ABCB5: variants seen among roughly 807,000 people sequenced by gnomAD.
The protein encoded by ABCB5 is ATP binding cassette subfamily B member 5.
A neutral mutation model predicts 144.2 loss-of-function variants in ABCB5; 155 were observed. That is an observed-to-expected ratio of 1.08 (90% CI 0.94 to 1.23). The LOEUF (loss-of-function observed/expected upper bound fraction) is 1.23, where lower values mean the gene tolerates loss of function less well. ABCB5 is among the 50% of genes most tolerant of loss of function. The pLI is 0.00. For synonymous variants in ABCB5, 610 were observed against 528.6 expected (o/e 1.15, Z -2.11); for missense variants, 1,830 against 1,520.8 (o/e 1.20, Z -3.38).
At chr7:20,725,406 C>T (rs1304598795) in intron 21 of ABCB5, among the ~76,000 whole-genome samples, 2 of 152,172 alleles carry the variant, frequency 1.3e-5, no homozygotes, top group African/African-American at 4.8e-5. Context: ...TGGTGAAACC[C>T]TGTCTCTACT....
At chr7:20,639,985 A>G in intron 5 of ABCB5, among the ~76,000 whole-genome samples, 1 of 152,156 alleles carries the variant, frequency 6.6e-6, no homozygotes, top group East Asian at 1.9e-4. Flanking sequence ...ATCCATCAAC[A>G]TGGATTGTCT....
At chr7:20,663,565 G>A (rs117310718) in intron 14 of ABCB5, among the ~76,000 whole-genome samples, 3 of 152,228 alleles carry the variant, frequency 2.0e-5, no homozygotes, top group South Asian at 2.1e-4. Flanking sequence ...GTAGAAGAGC[G>A]GTTACTAGGG....
At chr7:20,671,438 A>T (rs940889434) in intron 14 of ABCB5, among the ~76,000 whole-genome samples, 1 of 152,172 alleles carries the variant, frequency 6.6e-6, no homozygotes, top group Non-Finnish European at 1.5e-5. Flanking sequence ...TACTTTTCAC[A>T]TGACTTTTGT....
rs1470275217 is a variant in ABCB5, at chr7:20,755,587, T to C, written c.3737T>C (p.Ile1246Thr). ...THQELLRNRD[I>T]YFKLVNAQSV... ...CAAGAGCTCCTGAGAAATCGAGACA[T>C]ATATTTTAAGTTAGTGAATGCACAG... The change falls in exon 28 of 28, where the codon ATA becomes ACA. Residue 1246 changes from isoleucine to threonine, a missense_variant. Ile to Thr is a moderately conservative substitution (Grantham distance 89). Coordinates refer to ENST00000404938, the MANE Select transcript of ABCB5 (RefSeq NM_001163941.2). 3 of 1,614,200 alleles carry C rather than the reference T, an allele frequency of 1.9e-6. No homozygotes were observed. Among genetic ancestry groups the C allele is most frequent in the African/African-American group, 1.3e-5 (1 of 75,056 alleles).
intron 20 of ABCB5, among the ~76,000 whole-genome samples, chr7:20,720,607 T>C (rs532767385): frequency 6.6e-6 from 1 of 152,002 alleles, no homozygotes; most frequent in Non-Finnish European, 1.5e-5. Context: ...CTACCAGATA[T>C]CTGGCTCGCG....
At chr7:20,669,537 G>C (rs1216266589) in intron 14 of ABCB5, among the ~76,000 whole-genome samples, 14 of 89,568 alleles carry the variant, frequency 1.6e-4, no homozygotes, top group Non-Finnish European at 2.9e-4. Flanking sequence ...CAGCATGCTC[G>C]TTAAGAGTCA....
At chr7:20,701,985 C>T (rs1208432248) in intron 19 of ABCB5, among the ~76,000 whole-genome samples, 1 of 152,270 alleles carries the variant, frequency 6.6e-6, no homozygotes, top group South Asian at 2.1e-4. Context: ...TGATTTTTGT[C>T]CTAAGATAAG....
chr7:20,643,560 G>A lies in ABCB5; in HGVS notation c.606G>A (p.Lys202=), dbSNP rs757604214. The change falls in exon 7 of 28, where the codon AAG becomes AAA. Residue 202 remains lysine, a synonymous_variant. Coordinates refer to ENST00000404938, the MANE Select transcript of ABCB5 (RefSeq NM_001163941.2). ...TTGGCCTGGCAGTTGGTTTGGTGAA[G>A]GGCTGGAAACTCACCCTAGTGACTC... The part of the protein sequence containing the change: ...FSIGLAVGLV[K]GWKLTLVTLS... 1.2e-6 allele frequency: 2 copies of A among 1,613,854 alleles called. No homozygotes were observed. Among genetic ancestry groups the A allele is most frequent in the African/African-American group, 1.3e-5 (1 of 74,922 alleles).
intron 24 of ABCB5, among the ~76,000 whole-genome samples, chr7:20,741,098 T>C (rs1782547780): frequency 6.8e-6 from 1 of 146,680 alleles, no homozygotes. Context: ...GCGAGACTCC[T>C]TCTCAAAAAA....
intron 5 of ABCB5, among the ~76,000 whole-genome samples, chr7:20,638,598 G>T (rs1199209066): frequency 6.6e-6 from 1 of 152,144 alleles, no homozygotes; most frequent in Non-Finnish European, 1.5e-5. Flanking sequence ...TATATGCATG[G>T]AAATATATAA....
chr7:20,650,221 T>C lies in ABCB5; in HGVS notation c.1332+74T>C, dbSNP rs558313607. On this transcript the variant is annotated intron_variant, in intron 12 of 27. Coordinates refer to ENST00000404938, the MANE Select transcript of ABCB5 (RefSeq NM_001163941.2). ...AAACACCGCAGGGCTGGCAGCTCTG[T>C]AACTTTTCATTTTCAACAGTAGAGC... The C allele has an allele frequency of 4.0e-5, 62 of 1,542,110 alleles. No homozygotes were observed. In the African/African-American group the frequency reaches 8.3e-4, roughly 21 times the overall value.
intron 20 of ABCB5, among the ~76,000 whole-genome samples, chr7:20,713,882 A>G (rs1009173509): frequency 2.3e-5 from 3 of 130,560 alleles, no homozygotes; most frequent in African/African-American, 8.6e-5. Flanking sequence ...CATTCTGTGA[A>G]TCTCTCTCTT....
intron 23 of ABCB5, among the ~76,000 whole-genome samples, chr7:20,738,585 T>A (rs1782461347): frequency 6.6e-6 from 1 of 152,174 alleles, no homozygotes; most frequent in South Asian, 2.1e-4. Context: ...AAACAAAAAA[T>A]CATATCTACT....
chr7:20,655,699 C>T (rs892784284), intron 13 of ABCB5, among the ~76,000 whole-genome samples: 1 of 152,092 alleles, frequency 6.6e-6, no homozygotes, highest in African/African-American at 2.4e-5. Flanking sequence ...GATTTAGAAA[C>T]TCCATATTTT....
chr7:20,718,533 T>C (rs1781761612), intron 20 of ABCB5, among the ~76,000 whole-genome samples: 1 of 152,188 alleles, frequency 6.6e-6, no homozygotes, highest in Non-Finnish European at 1.5e-5. Context: ...TAGTGAGAAA[T>C]TGGAAAATGG....
At chr7:20,697,179 A>T (rs1307450675) in intron 16 of ABCB5, among the ~76,000 whole-genome samples, 1 of 152,210 alleles carries the variant, frequency 6.6e-6, no homozygotes, top group East Asian at 1.9e-4. Flanking sequence ...GATACAATCA[A>T]ATTATTAAGT....
chr7:20,626,860 T>C (rs957137216), intron 3 of ABCB5, among the ~76,000 whole-genome samples: 30 of 113,842 alleles, frequency 2.6e-4, no homozygotes, highest in Middle Eastern at 8.3e-3. Context: ...TTGGGGTGTG[T>C]GTGTGTGTGT....
intron 20 of ABCB5, among the ~76,000 whole-genome samples, chr7:20,718,856 T>C (rs1444862375): frequency 2.6e-5 from 4 of 152,138 alleles, no homozygotes; most frequent in Non-Finnish European, 5.9e-5. Flanking sequence ...GAATTACACC[T>C]TTTAAGGTGT....
intron 13 of ABCB5, among the ~76,000 whole-genome samples, chr7:20,656,966 G>C (rs1079907): frequency 0.37 from 53,588 of 145,992 alleles, 10,635 homozygotes; most frequent in African/African-American, 0.53. Context: ...CTAGGGTGGA[G>C]TGCAATGCAC....
Sources: allele counts gnomAD v4.1 joint callset (sites outside exome capture counted in the v4.1 genomes callset), GRCh38; gene constraint gnomAD v4.1.1; transcripts MANE v1.5; gene names NCBI Gene and HGNC (gene_info 2026-07-23, HGNC 2026-07-21).